The following RHOF variants were observed in gnomAD, a reference collection of about 807,000 sequenced individuals.
RHOF encodes ras homolog family member F, filopodia associated.
In RHOF, 21 loss-of-function variants were observed where a neutral mutation model predicts 22.2. The observed-to-expected ratio is 0.95, with a 90% CI of 0.67 to 1.36. The LOEUF (loss-of-function observed/expected upper bound fraction) is 1.36, where lower values mean the gene tolerates loss of function less well. Among genes scored for constraint, RHOF ranks in the 40% most tolerant of loss-of-function variants. RHOF has a pLI of 0.00. For synonymous variants in RHOF, 135 were observed against 131.2 expected, an observed-to-expected ratio of 1.03 and a Z score of -0.20; for missense variants, 285 against 293.7, an observed-to-expected ratio of 0.97 and a Z score of 0.22.
intron 2 of RHOF, among the ~76,000 whole-genome samples, chr12:121,783,513 G>T (rs562515123): frequency 6.6e-6 from 1 of 151,786 alleles, no homozygotes; most frequent in African/African-American, 2.4e-5. Flanking sequence ...ACAGAGTTTC[G>T]CTCTTGTTGC....
chr12:121,787,453 G>C (rs1026976265), intron 2 of RHOF, among the ~76,000 whole-genome samples: 5 of 152,224 alleles, frequency 3.3e-5, no homozygotes, highest in African/African-American at 1.2e-4. Flanking sequence ...AAAAGCACCA[G>C]TTCTTCCAGG....
intron 2 of RHOF, among the ~76,000 whole-genome samples, chr12:121,783,488 AT>A (rs1380629906): frequency 6.6e-6 from 1 of 151,426 alleles, no homozygotes; most frequent in Non-Finnish European, 1.5e-5. Context: ...TGCCTGGCTA[AT>A]TTTTGTTTTT....
intron 2 of RHOF, 37 bp downstream of exon 2, chr12:121,793,115 C>T (rs1341484742): frequency 2.6e-6 from 4 of 1,522,688 alleles, no homozygotes; most frequent in Non-Finnish European, 3.6e-6. Flanking sequence ...TTCGGGCGGG[C>T]GGACCCTCGG....
Position 121,793,257 on chromosome 12 carries a change from G to C in RHOF, c.139-18C>G, listed in dbSNP as rs750239440. 6.5e-7 allele frequency: 1 copy of C among 1,549,530 alleles called. No homozygotes were observed. Among genetic ancestry groups the C allele is most frequent in the Non-Finnish European group, 8.7e-7 (1 of 1,145,746 alleles). ...GCGTAGTGCTGCGGGAGAGGGGGTC[G>C]GGTTGGTCCTTAGTGGGGCCGGCGG... On this transcript the variant is annotated intron_variant, in intron 1 of 4. Coordinates refer to ENST00000267205, the MANE Select transcript of RHOF (RefSeq NM_019034.3).
chr12:121,779,806 C>G (rs965026145), intron 4 of RHOF, 144 bp from the exon 5 acceptor site: 2 of 842,724 alleles, frequency 2.4e-6, no homozygotes, highest in Admixed American at 5.2e-5. Context: ...TCCTGGCTGC[C>G]CCTCACAGTG....
At chr12:121,779,696 G>A in intron 4 of RHOF, 34 bp from the exon 5 acceptor site, 1 of 1,610,510 alleles carries the variant, frequency 6.2e-7, no homozygotes, top group Non-Finnish European at 8.5e-7. Flanking sequence ...TTAGGTGAGG[G>A]GCCCCTGGAG....
At chr12:121,785,875 G>C (rs999761198) in intron 2 of RHOF, among the ~76,000 whole-genome samples, 1 of 151,230 alleles carries the variant, frequency 6.6e-6, no homozygotes, top group Non-Finnish European at 1.5e-5. Context: ...GCCTCCCAAA[G>C]TGCTGGGATT....
intron 2 of RHOF, among the ~76,000 whole-genome samples, chr12:121,785,697 G>A (rs112594732): frequency 0.043 from 6,553 of 152,052 alleles, 185 homozygotes; most frequent in Non-Finnish European, 0.068. Flanking sequence ...TGCAACCTCC[G>A]CCTCCCGGGT....
chr12:121,789,156 A>G (rs1566534647), intron 2 of RHOF, among the ~76,000 whole-genome samples: 1 of 152,124 alleles, frequency 6.6e-6, no homozygotes, highest in Non-Finnish European at 1.5e-5. Context: ...CTTGAGCCCA[A>G]GAGGCTGTGG....
At chr12:121,783,576 A>G (rs1240369602) in intron 2 of RHOF, among the ~76,000 whole-genome samples, 1 of 151,952 alleles carries the variant, frequency 6.6e-6, no homozygotes, top group African/African-American at 2.4e-5. Context: ...TACACCTCCC[A>G]GGTTCAAGTG....
chr12:121,779,692 G>A (rs749175097), intron 4 of RHOF, 30 bp from the exon 5 acceptor site: 4 of 1,611,990 alleles, frequency 2.5e-6, no homozygotes, highest in East Asian at 2.2e-5. Flanking sequence ...AGCATTAGGT[G>A]AGGGGCCCCT....
chr12:121,780,666 G>A (rs1049956519), intron 4 of RHOF: 31 of 618,324 alleles, frequency 5.0e-5, no homozygotes, highest in African/African-American at 4.2e-4. Context: ...TGTGAACAGC[G>A]CCTGCCTCCG....
At chr12:121,781,230 C>A (rs1368117761) in intron 2 of RHOF, 38 bp from the exon 3 acceptor site, 4 of 1,587,178 alleles carry the variant, frequency 2.5e-6, no homozygotes, top group Non-Finnish European at 2.6e-6. Flanking sequence ...GGGACGTCCC[C>A]TCCCTGTCTG....
chr12:121,789,213 G>C (rs1874696471), intron 2 of RHOF, among the ~76,000 whole-genome samples: 1 of 150,982 alleles, frequency 6.6e-6, no homozygotes, highest in Non-Finnish European at 1.5e-5. Context: ...CTGGGTGACA[G>C]AGCGAGACCC....
chr12:121,793,344 C>A (rs1461520711), intron 1 of RHOF, 105 bp from the exon 2 acceptor site: 3 of 1,433,158 alleles, frequency 2.1e-6, no homozygotes, highest in Non-Finnish European at 2.9e-6. Context: ...TCAGCCCCCC[C>A]TCACCCCGCT....
At chr12:121,785,850 G>A (rs1453734195) in intron 2 of RHOF, among the ~76,000 whole-genome samples, 1 of 151,814 alleles carries the variant, frequency 6.6e-6, no homozygotes, top group Non-Finnish European at 1.5e-5. Context: ...CTGACCTCGT[G>A]ATCCGCCCAC....
At chr12:121,785,899 A>T (rs1253215116) in intron 2 of RHOF, among the ~76,000 whole-genome samples, 1 of 148,572 alleles carries the variant, frequency 6.7e-6, no homozygotes, top group Non-Finnish European at 1.5e-5. Flanking sequence ...GGTGTGAGCC[A>T]CGTGCCCAGC....
rs1186803728 is a variant in RHOF, at chr12:121,779,380, AGCC to A, written c.*115_*117del. On this transcript the variant is annotated 3_prime_UTR_variant, in exon 5 of 5. Transcript: ENST00000267205. ...GAGTTCCAGAATGTTCCAAGAGTCT[AGCC>A]GCAGGCCCCAGACACCATGAGCTGG... is the stretch of plus-strand genomic sequence containing the variant. 54 of 1,086,396 alleles carry A rather than the reference AGCC, an allele frequency of 5.0e-5. No individual in the cohort carries two copies. The East Asian group carries it at 1.2e-3, about 24-fold the overall frequency. 67.3% of individuals were successfully genotyped at this position (1,086,396 alleles called of 1,614,324 possible). A position where few individuals can be genotyped will look rare whatever the true frequency, so the allele number is the denominator to read the frequency against.
At chr12:121,783,985 A>G (rs762977357) in intron 2 of RHOF, among the ~76,000 whole-genome samples, 7 of 152,156 alleles carry the variant, frequency 4.6e-5, no homozygotes, top group Non-Finnish European at 8.8e-5. Flanking sequence ...TGCTCACTGC[A>G]GTCCCGCCAA....
Sources: gnomAD v4.1 joint callset for allele counts (sites outside exome capture counted in the v4.1 genomes callset) on GRCh38, gnomAD v4.1.1 for gene constraint, MANE v1.5 for transcripts, NCBI Gene and HGNC (gene_info 2026-07-23, HGNC 2026-07-21) for gene names.